The following SLC25A12 variants were observed in gnomAD, a reference collection of about 807,000 sequenced individuals.
SLC25A12 encodes the protein solute carrier family 25 member 12.
SLC25A12 carries 32 observed loss-of-function variants against 83.3 expected under a neutral mutation model. That is an observed-to-expected ratio of 0.38 (90% confidence interval 0.29 to 0.52). The LOEUF (loss-of-function observed/expected upper bound fraction) is 0.52. Among genes scored for constraint, SLC25A12 ranks in the 20% least tolerant of loss-of-function variants. SLC25A12 has a pLI of 0.84. For missense variants in SLC25A12, 611 were observed against 835.6 expected, an observed-to-expected ratio of 0.73 and a Z score of 3.31; for synonymous variants, 267 against 291.1, an observed-to-expected ratio of 0.92 and a Z score of 0.84.
intron 2 of SLC25A12, among the ~76,000 whole-genome samples, chr2:171,888,626 A>T (rs1424702839): frequency 1.3e-5 from 2 of 151,610 alleles, no homozygotes; most frequent in Admixed American, 1.3e-4. Flanking sequence ...TATTTTTTAT[A>T]GAGACAGGGT....
At position 171,815,173 on chromosome 2, in the gene SLC25A12, C is replaced by A; in HGVS notation, c.960G>T (p.Trp320Cys). 6.2e-7 allele frequency: 1 copy of A among 1,613,682 alleles called. No homozygotes were observed. Among genetic ancestry groups the A allele is most frequent in the South Asian group, 1.1e-5 (1 of 91,064 alleles). Residue 320 changes from tryptophan to cysteine, a missense_variant, in exon 10 of 18, where the codon TGG (tryptophan) becomes TGT (cysteine). Physicochemically the swap from Trp to Cys is radical, Grantham distance 215 (BLOSUM62 -2). Around this residue, in one of 3 missense-constraint regions of SLC25A12, gnomAD observed 540 missense variants for 777.5 expected, o/e 0.69. Coordinates refer to ENST00000422440, the MANE Select transcript of SLC25A12 (RefSeq NM_003705.5). ...QQSPGLGRPI[W>C]LQIAESAYRF... ...TGTAAGCAGACTCGGCAATCTGGAGCCAGATAGGCCTGCCTAACCCAGGAG... is the reference window on the plus strand; with the variant it reads ...TGTAAGCAGACTCGGCAATCTGGAGACAGATAGGCCTGCCTAACCCAGGAG...
rs1685529805 is a variant in SLC25A12 at position 171,874,796 on chromosome 2, C to T, written c.67-5973G>A. On this transcript the variant is annotated intron_variant, in intron 2 of 17. Coordinates refer to ENST00000422440, the MANE Select transcript of SLC25A12 (RefSeq NM_003705.5). The stretch of plus-strand genomic sequence containing the variant: ...AATGCAGAAACAGAAAATCAAATAT[C>T]ACATGTTCTCTTTTAAAAGTGGGAA... Among the ~76,000 whole-genome samples, 3 of 152,270 alleles carry T rather than the reference C, an allele frequency of 2.0e-5. No individual in the cohort carries two copies. In the South Asian group the frequency reaches 6.2e-4, roughly 32 times the overall value.
intron 2 of SLC25A12, among the ~76,000 whole-genome samples, chr2:171,881,720 G>A (rs1373049640): frequency 6.6e-6 from 1 of 152,102 alleles, no homozygotes; most frequent in Non-Finnish European, 1.5e-5. Flanking sequence ...TTAAAAACAG[G>A]GATACCTTAT....
chr2:171,875,022 C>T (rs542941460), intron 2 of SLC25A12, among the ~76,000 whole-genome samples: 1 of 152,366 alleles, frequency 6.6e-6, no homozygotes, highest in Non-Finnish European at 1.5e-5. Context: ...CAGGCAGACT[C>T]TTCCTTTGCA....
chr2:171,810,611 A>T (rs1683928404), intron 11 of SLC25A12, among the ~76,000 whole-genome samples: 1 of 152,218 alleles, frequency 6.6e-6, no homozygotes, highest in Non-Finnish European at 1.5e-5. Context: ...CAATGTAACC[A>T]AATTCCCTCC....
chr2:171,886,570 C>A (rs940979593), intron 2 of SLC25A12, among the ~76,000 whole-genome samples: 1 of 150,674 alleles, frequency 6.6e-6, no homozygotes, highest in Non-Finnish European at 1.5e-5. Context: ...AGTGCAGTGG[C>A]GCGATCTCGG....
intron 10 of SLC25A12, 97 bp downstream of exon 10, chr2:171,815,024 G>A (rs1684021479): frequency 3.1e-6 from 3 of 975,368 alleles, no homozygotes; most frequent in Admixed American, 3.5e-5. Context: ...CGTGACCCAT[G>A]GGAACAATGA....
chr2:171,813,638 C>A, intron 10 of SLC25A12, 141 bp from the exon 11 acceptor site: 1 of 951,656 alleles, frequency 1.1e-6, no homozygotes. Flanking sequence ...ATTTTTCTTT[C>A]CCTCACAAAC....
intron 7 of SLC25A12, 120 bp downstream of exon 7, chr2:171,834,607 C>A: frequency 8.7e-7 from 1 of 1,148,108 alleles, no homozygotes; most frequent in Non-Finnish European, 1.3e-6. Context: ...AGCATACATA[C>A]ACATGGTAAC....
intron 2 of SLC25A12, among the ~76,000 whole-genome samples, chr2:171,875,678 C>T (rs1020199639): frequency 6.6e-6 from 1 of 151,226 alleles, no homozygotes; most frequent in East Asian, 2.0e-4. Context: ...CTTTGGGAGG[C>T]GGAGACGGGT....
At chr2:171,829,414 T>G (rs1684383182) in intron 8 of SLC25A12, among the ~76,000 whole-genome samples, 1 of 152,074 alleles carries the variant, frequency 6.6e-6, no homozygotes, top group African/African-American at 2.4e-5. Flanking sequence ...ACCTCCTTTT[T>G]GCAAGGGCCA....
At chr2:171,892,627 CTTTTCT>C (rs1006937690) in intron 2 of SLC25A12, among the ~76,000 whole-genome samples, 1 of 149,804 alleles carries the variant, frequency 6.7e-6, no homozygotes, top group Admixed American at 6.6e-5. Flanking sequence ...TTTCTTTTTT[CTTTTCT>C]TTTTAAGTCT....
chr2:171,852,416 C>T (rs950002680), intron 4 of SLC25A12, among the ~76,000 whole-genome samples: 24 of 152,198 alleles, frequency 1.6e-4, no homozygotes, highest in Admixed American at 3.3e-4. Flanking sequence ...TCATAGTCTA[C>T]AAGAGATGCT....
intron 3 of SLC25A12, among the ~76,000 whole-genome samples, chr2:171,866,421 G>A (rs1344409363): frequency 1.6e-4 from 23 of 141,798 alleles, no homozygotes; most frequent in Non-Finnish European, 2.0e-4. Flanking sequence ...GGGCAGAGGC[G>A]CCCCTCACCT....
At chr2:171,894,026 G>A (rs1419679835) in intron 1 of SLC25A12, among the ~76,000 whole-genome samples, 177 bp downstream of exon 1, 1 of 151,994 alleles carries the variant, frequency 6.6e-6, no homozygotes, top group Middle Eastern at 3.4e-3. Context: ...TCCCCCAGCC[G>A]GGCATCCCCT....
At chr2:171,811,323 T>C (rs1355110958) in intron 11 of SLC25A12, among the ~76,000 whole-genome samples, 1 of 152,204 alleles carries the variant, frequency 6.6e-6, no homozygotes, top group Non-Finnish European at 1.5e-5. Context: ...ACACCTTTCA[T>C]GCGTAGCAGA....
chr2:171,872,769 G>A (rs916400160), intron 2 of SLC25A12, among the ~76,000 whole-genome samples: 1 of 152,122 alleles, frequency 6.6e-6, no homozygotes, highest in Non-Finnish European at 1.5e-5. Context: ...ATTGCAAGTG[G>A]AGAGAATGGG....
chr2:171,862,044 T>C (rs896103379), intron 3 of SLC25A12, among the ~76,000 whole-genome samples: 1 of 152,158 alleles, frequency 6.6e-6, no homozygotes, highest in Non-Finnish European at 1.5e-5. Context: ...ACTAATAAAA[T>C]GACAAAATAT....
chr2:171,786,039 C>T (rs1481269684), intron 17 of SLC25A12, among the ~76,000 whole-genome samples: 1 of 151,860 alleles, frequency 6.6e-6, no homozygotes, highest in Admixed American at 6.6e-5. Context: ...TAGAAGTTAA[C>T]TTTTTATGTA....
Sources: allele counts gnomAD v4.1 joint callset (sites outside exome capture counted in the v4.1 genomes callset), GRCh38; gene constraint gnomAD v4.1.1; regional missense constraint gnomAD v4.1.1; transcripts MANE v1.5; gene names NCBI Gene and HGNC (gene_info 2026-07-23, HGNC 2026-07-21).